FAM117B: variants seen among roughly 807,000 people sequenced by gnomAD.
The protein encoded by FAM117B is protein FAM117B.
A neutral mutation model predicts 52.8 loss-of-function variants in FAM117B; 22 were observed. The observed-to-expected ratio is 0.42, with a 90% CI of 0.30 to 0.59. The LOEUF is 0.59. FAM117B is among the 20% of genes least tolerant of loss of function. FAM117B has a pLI of 0.22. For missense variants in FAM117B, 678 were observed against 802.6 expected (o/e 0.84, Z 1.88); for synonymous variants, 309 against 324.1 (o/e 0.95, Z 0.50).
At chr2:202,645,736 TG>T (rs934583434) in intron 1 of FAM117B, among the ~76,000 whole-genome samples, 9 of 151,884 alleles carry the variant, frequency 5.9e-5, no homozygotes, top group African/African-American at 2.2e-4. Flanking sequence ...CCCGAGTAGC[TG>T]GGACTGTAGG....
chr2:202,643,448 G>A (rs1689798359), intron 1 of FAM117B, among the ~76,000 whole-genome samples: 1 of 152,154 alleles, frequency 6.6e-6, no homozygotes, highest in Admixed American at 6.5e-5. Flanking sequence ...AGAAGGGAAG[G>A]AAGTTGAGAA....
At chr2:202,715,730 C>T (rs980097918) in intron 2 of FAM117B, among the ~76,000 whole-genome samples, 7 of 152,326 alleles carry the variant, frequency 4.6e-5, no homozygotes, top group African/African-American at 1.7e-4. Context: ...CCAAGGCAGG[C>T]GGCTGGGAGG....
intron 4 of FAM117B, among the ~76,000 whole-genome samples, chr2:202,745,468 A>G (rs930812409): frequency 9.9e-5 from 15 of 152,196 alleles, no homozygotes; most frequent in African/African-American, 3.6e-4. Flanking sequence ...TAAATCAGAA[A>G]GAGAAAGTCA....
chr2:202,668,097 A>G (rs941158265), intron 1 of FAM117B, among the ~76,000 whole-genome samples: 2 of 145,212 alleles, frequency 1.4e-5, no homozygotes, highest in Non-Finnish European at 3.0e-5. Flanking sequence ...TTATAAAAAT[A>G]TATTTATATA....
At chr2:202,646,792 A>G (rs1689873468) in intron 1 of FAM117B, among the ~76,000 whole-genome samples, 2 of 152,276 alleles carry the variant, frequency 1.3e-5, no homozygotes, top group African/African-American at 2.4e-5. Flanking sequence ...AAGTAAAGGA[A>G]ACTTTAGTTT....
At chr2:202,731,924 G>A (rs1215934221) in intron 4 of FAM117B, among the ~76,000 whole-genome samples, 4 of 151,840 alleles carry the variant, frequency 2.6e-5, no homozygotes, top group South Asian at 2.1e-4. Context: ...CAGTAGAGAC[G>A]GGGTTTTACC....
In FAM117B at chr2:202,766,980, CCCT is replaced by C. The variant is rs1691990903; in HGVS notation, c.*1217_*1219del. On this transcript the variant is annotated 3_prime_UTR_variant, in exon 8 of 8. Coordinates refer to ENST00000392238, the MANE Select transcript of FAM117B (RefSeq NM_173511.4). ...GCCTACAGATTTTGCTAATTTACCC[CCCT>C]AACGCTTCACATAGTGGGGAAAATA... is the stretch of plus-strand genomic sequence containing the variant. The C allele has an allele frequency of 6.6e-6, 1 of 152,594 alleles. No homozygotes were observed. The highest frequency in any genetic ancestry group is 1.9e-4 in the East Asian group (1 of 5,176). The allele number at this position is 152,594 out of a possible 1,614,324, so 9.5% of individuals were successfully genotyped here. A position where few individuals can be genotyped will look rare whatever the true frequency, so the allele number is the denominator to read the frequency against.
intron 2 of FAM117B, among the ~76,000 whole-genome samples, chr2:202,718,253 A>G (rs542586604): frequency 2.6e-5 from 4 of 152,194 alleles, no homozygotes; most frequent in African/African-American, 7.2e-5. Flanking sequence ...GAGAACCCCA[A>G]CAGTCTGCTT....
chr2:202,667,911 G>A (rs1193301246), intron 1 of FAM117B, among the ~76,000 whole-genome samples: 1 of 151,764 alleles, frequency 6.6e-6, no homozygotes, highest in African/African-American at 2.4e-5. Flanking sequence ...GAGGATAGTA[G>A]TAGAGTAGTA....
chr2:202,667,164 G>A (rs868026892), intron 1 of FAM117B, among the ~76,000 whole-genome samples: 6 of 152,000 alleles, frequency 3.9e-5, no homozygotes, highest in East Asian at 3.9e-4. Context: ...GCAGTGGTGC[G>A]ATCTTGGCTC....
intron 1 of FAM117B, among the ~76,000 whole-genome samples, chr2:202,684,839 C>T (rs1166718253): frequency 3.3e-5 from 5 of 151,860 alleles, no homozygotes; most frequent in Admixed American, 2.6e-4. Context: ...AACTGTATTC[C>T]CTAGGAATAA....
chr2:202,661,092 T>C (rs1022068225), intron 1 of FAM117B, among the ~76,000 whole-genome samples: 2 of 152,240 alleles, frequency 1.3e-5, no homozygotes, highest in African/African-American at 4.8e-5. Flanking sequence ...CCAGGACATA[T>C]GGGAGGGGGA....
chr2:202,765,408 G>A, intron 7 of FAM117B, 38 bp from the exon 8 acceptor site: 1 of 1,459,862 alleles, frequency 6.8e-7, no homozygotes, highest in Admixed American at 2.3e-5. Context: ...TTTAAGTTCA[G>A]TGACTTAAAA....
intron 4 of FAM117B, among the ~76,000 whole-genome samples, chr2:202,746,325 G>A (rs1422747209): frequency 2.6e-5 from 4 of 152,094 alleles, no homozygotes; most frequent in African/African-American, 9.7e-5. Flanking sequence ...TGGAAACTGT[G>A]CAGATACATG....
In FAM117B at chr2:202,744,843, G is replaced by T. The variant is rs185987328; in HGVS notation, c.961-10695G>T. ...ACAAAAAAAATTAGCTGGGCATGGTGGCAGGTTCCTGTAATCCCAGCTACT... is the reference window on the plus strand; with the variant it reads ...ACAAAAAAAATTAGCTGGGCATGGTTGCAGGTTCCTGTAATCCCAGCTACT... On this transcript the variant is annotated intron_variant, in intron 4 of 7. Coordinates refer to ENST00000392238, the MANE Select transcript of FAM117B (RefSeq NM_173511.4). Among the ~76,000 whole-genome samples, 5 of 151,562 alleles carry T rather than the reference G, an allele frequency of 3.3e-5. No homozygotes were observed. In the East Asian group the frequency reaches 9.7e-4, roughly 29 times the overall value.
intron 2 of FAM117B, among the ~76,000 whole-genome samples, chr2:202,709,973 G>A (rs1335732721): frequency 1.3e-5 from 2 of 152,148 alleles, no homozygotes; most frequent in Admixed American, 1.3e-4. Flanking sequence ...TGTCTATACT[G>A]TCCCATTGAT....
At chr2:202,660,258 A>G (rs1690109273) in intron 1 of FAM117B, among the ~76,000 whole-genome samples, 1 of 151,556 alleles carries the variant, frequency 6.6e-6, no homozygotes, top group African/African-American at 2.4e-5. Context: ...CATTTTGAAT[A>G]TTTTACTTGA....
At chr2:202,644,035 A>G (rs1047714695) in intron 1 of FAM117B, among the ~76,000 whole-genome samples, 25 of 132,258 alleles carry the variant, frequency 1.9e-4, no homozygotes, top group East Asian at 4.2e-4. Flanking sequence ...AATATGCTAT[A>G]CTACTGCTTT....
In FAM117B at chr2:202,767,323, G is replaced by C. The variant is rs1691997651; in HGVS notation, c.*1559G>C. The stretch of plus-strand genomic sequence containing the variant: ...TTACAGGCATGCACCACCACACCCA[G>C]CTAATTTTGTATTTTTAGTATATAT... On this transcript the variant is annotated 3_prime_UTR_variant, in exon 8 of 8. Transcript: ENST00000392238. The C allele has an allele frequency of 2.0e-5, 3 of 152,038 alleles. No homozygotes were observed. Among genetic ancestry groups the C allele is most frequent in the Admixed American group, 6.6e-5 (1 of 15,260 alleles). 9.4% of individuals were successfully genotyped at this position (152,038 alleles called of 1,614,324 possible). A position where few individuals can be genotyped will look rare whatever the true frequency, so the allele number is the denominator to read the frequency against.
Sources: gnomAD v4.1 joint callset for allele counts (sites outside exome capture counted in the v4.1 genomes callset) on GRCh38, gnomAD v4.1.1 for gene constraint, MANE v1.5 for transcripts, NCBI Gene and HGNC (gene_info 2026-07-23, HGNC 2026-07-21) for gene names.